SPAG6: variants seen among roughly 807,000 people sequenced by gnomAD.
SPAG6 encodes sperm-associated antigen 6.
SPAG6 carries 49 observed loss-of-function variants against 58.5 expected under a neutral mutation model. The observed-to-expected ratio is 0.84, with a 90% CI of 0.67 to 1.06. SPAG6 has a LOEUF of 1.06. SPAG6 is among the 50% of genes least tolerant of loss of function. The pLI is 0.00. For missense variants in SPAG6, 560 were observed against 611.3 expected (o/e 0.92, Z 0.89); for synonymous variants, 233 against 225.6 (o/e 1.03, Z -0.29).
Position 22,361,602 on chromosome 10 carries a change from A to T in SPAG6, c.122-3251A>T, listed in dbSNP as rs554749349. On this transcript the variant is annotated intron_variant, in intron 2 of 10. Coordinates refer to ENST00000376624, the MANE Select transcript of SPAG6 (RefSeq NM_012443.4). The stretch of plus-strand genomic sequence containing the variant: ...TCTCAGCTACTTAAATGGCTGAGGC[A>T]GAAGAATCACTGGAACCTGGAAGGC... Among the ~76,000 whole-genome samples the T allele has an allele frequency of 2.0e-5, 3 of 152,290 alleles. No individual in the cohort carries two copies. The East Asian group carries it at 5.8e-4, about 29-fold the overall frequency.
chr10:22,401,295 C>T lies in SPAG6; in HGVS notation c.1314+18C>T. 8.7e-7 allele frequency: 1 copy of T among 1,151,412 alleles called. No homozygotes were observed. The highest frequency in any genetic ancestry group is 1.3e-6 in the Non-Finnish European group (1 of 770,094). The allele number at this position is 1,151,412 out of a possible 1,614,324, so 71.3% of individuals were successfully genotyped here. ...TCAGTAAGGTAAGAAATGCCAGCCT[C>T]TAAGGGGAGGAAGAAAATTAAAATG... On this transcript the variant is annotated intron_variant, in intron 9 of 10. Transcript: ENST00000376624.
chr10:22,401,229 T>A lies in SPAG6; in HGVS notation c.1266T>A (p.Tyr422Ter). Residue 422 changes from tyrosine (Y) to a stop codon, truncating the protein, a stop_gained, in exon 9 of 11, where the codon TAT (tyrosine) becomes TAA (stop). Coordinates refer to ENST00000376624, the MANE Select transcript of SPAG6 (RefSeq NM_012443.4). LOFTEE classifies it high-confidence loss of function. The part of the protein sequence containing the change: ...TYLPALEPFL[Y>*]DAPPNILKHV... ...TACCAGCCCTTGAACCATTTCTATATGATGCTCCTCCCAATATTCTGAAAC... is the reference window on the plus strand; with the variant it reads ...TACCAGCCCTTGAACCATTTCTATAAGATGCTCCTCCCAATATTCTGAAAC... 1 of 1,607,070 alleles carries A rather than the reference T, an allele frequency of 6.2e-7. No homozygotes were observed. The highest frequency in any genetic ancestry group is 1.1e-5 in the South Asian group (1 of 90,874).
intron 7 of SPAG6, among the ~76,000 whole-genome samples, chr10:22,389,983 G>A (rs767341626): frequency 8.6e-4 from 131 of 152,248 alleles, no homozygotes; most frequent in Non-Finnish European, 1.7e-3. Flanking sequence ...AAGCCTGTGT[G>A]CTTACAGTGT....
intron 4 of SPAG6, among the ~76,000 whole-genome samples, chr10:22,375,182 C>A (rs1458535290): frequency 6.6e-6 from 1 of 152,130 alleles, no homozygotes; most frequent in African/African-American, 2.4e-5. Context: ...CAGTCACTGG[C>A]GTATAAATCT....
At chr10:22,346,433 C>CTTT (rs1455302881) in intron 2 of SPAG6, among the ~76,000 whole-genome samples, 8 of 92,816 alleles carry the variant, frequency 8.6e-5, no homozygotes, top group Non-Finnish European at 4.3e-5. Context: ...GAAAATGGTT[C>CTTT]TTCTTCTTCT....
chr10:22,346,155 C>G (rs1289301593), intron 2 of SPAG6: 4 of 1,283,876 alleles, frequency 3.1e-6, no homozygotes, highest in Non-Finnish European at 1.0e-6. Context: ...ATTTTGCATG[C>G]CACCCTGCCT....
intron 4 of SPAG6, among the ~76,000 whole-genome samples, chr10:22,371,925 A>G (rs767880267): frequency 1.3e-5 from 2 of 152,048 alleles, no homozygotes; most frequent in African/African-American, 2.4e-5. Flanking sequence ...TTTTTTTCCA[A>G]CTGTGTACAA....
intron 2 of SPAG6, among the ~76,000 whole-genome samples, chr10:22,362,249 A>G (rs1003341187): frequency 2.0e-5 from 3 of 148,914 alleles, no homozygotes; most frequent in African/African-American, 7.4e-5. Context: ...CCCCCCCAAA[A>G]CAAAATAAAA....
intron 9 of SPAG6, among the ~76,000 whole-genome samples, chr10:22,405,853 G>A (rs1299624597): frequency 6.6e-6 from 1 of 152,118 alleles, no homozygotes; most frequent in Non-Finnish European, 1.5e-5. Flanking sequence ...ACTTCTTCCT[G>A]GTTTAGTGTT....
At chr10:22,409,359 A>C (rs569084386) in intron 9 of SPAG6, among the ~76,000 whole-genome samples, 2 of 152,282 alleles carry the variant, frequency 1.3e-5, no homozygotes, top group African/African-American at 4.8e-5. Flanking sequence ...TCTGTTGTCC[A>C]GCTGATTTAT....
chr10:22,365,278 A>G (rs186098396), intron 3 of SPAG6, among the ~76,000 whole-genome samples: 2 of 152,308 alleles, frequency 1.3e-5, no homozygotes, highest in East Asian at 3.9e-4. Context: ...ATTTCTATAT[A>G]TGAGAGTTTT....
In SPAG6 at chr10:22,391,875, T is replaced by C. The variant is rs1294056237; in HGVS notation, c.1152T>C (p.Leu384=). Residue 384 remains leucine (L), a synonymous_variant, in exon 8 of 11, where the codon CTT becomes CTC. Transcript: ENST00000376624. ...VAVTNTLPVL[L]SLYMSTESSE... Reference sequence around the variant, plus strand: ...TCACAAATACTTTGCCAGTTCTGCTTTCTTTGTACATGTCAACAGAAAGTT... The same window carrying C: ...TCACAAATACTTTGCCAGTTCTGCTCTCTTTGTACATGTCAACAGAAAGTT... The C allele has an allele frequency of 6.2e-7, 1 of 1,613,496 alleles. No individual in the cohort carries two copies. Among genetic ancestry groups the C allele is most frequent in the Admixed American group, 1.7e-5 (1 of 59,880 alleles).
rs142399737 is a variant in SPAG6, at chr10:22,359,001, G to T, written c.122-5852G>T. Among the ~76,000 whole-genome samples, 31 of 152,286 alleles carry T rather than the reference G, an allele frequency of 2.0e-4. No individual in the cohort carries two copies. In the East Asian group the frequency reaches 5.4e-3, roughly 27 times the overall value. On this transcript the variant is annotated intron_variant, in intron 2 of 10. Transcript: ENST00000376624. ...TGCCAAGGTCCCTCAGCTAGGAAGT[G>T]GCAGAGTCCAGATTTGAACCCAATT...
intron 9 of SPAG6, among the ~76,000 whole-genome samples, chr10:22,405,929 G>A (rs1028152494): frequency 7.2e-5 from 11 of 152,166 alleles, no homozygotes; most frequent in Admixed American, 4.6e-4. Context: ...TTGCGTAGAG[G>A]TGTTTATAGT....
At chr10:22,388,236 C>T (rs1245581917) in intron 6 of SPAG6, among the ~76,000 whole-genome samples, 3 of 151,702 alleles carry the variant, frequency 2.0e-5, no homozygotes, top group Non-Finnish European at 4.4e-5. Flanking sequence ...CCAAAAGCAC[C>T]CTTCTCCCGC....
chr10:22,348,602 A>AT (rs1313254773), intron 2 of SPAG6, among the ~76,000 whole-genome samples: 1 of 152,232 alleles, frequency 6.6e-6, no homozygotes, highest in Non-Finnish European at 1.5e-5. Flanking sequence ...CAAACCAGTA[A>AT]TTCCCTTGTT....
intron 4 of SPAG6, among the ~76,000 whole-genome samples, chr10:22,369,101 C>T (rs2132055345): frequency 6.6e-6 from 1 of 152,084 alleles, no homozygotes; most frequent in South Asian, 2.1e-4. Flanking sequence ...GTCTTCCTGC[C>T]CATTCATGAT....
chr10:22,387,736 A>G, intron 5 of SPAG6, 87 bp from the exon 6 acceptor site: 1 of 1,239,984 alleles, frequency 8.1e-7, no homozygotes, highest in Non-Finnish European at 1.1e-6. Context: ...GAATTTGAAT[A>G]TATATAAAAC....
At chr10:22,371,404 C>A (rs1833689089) in intron 4 of SPAG6, among the ~76,000 whole-genome samples, 1 of 152,104 alleles carries the variant, frequency 6.6e-6, no homozygotes, top group Non-Finnish European at 1.5e-5. Context: ...CAGGCACACC[C>A]CACCATGCCC....
Sources: allele counts gnomAD v4.1 joint callset (sites outside exome capture counted in the v4.1 genomes callset), GRCh38; gene constraint gnomAD v4.1.1; transcripts MANE v1.5; gene names NCBI Gene and HGNC (gene_info 2026-07-23, HGNC 2026-07-21).